ZNF799: variants seen among roughly 807,000 people sequenced by gnomAD.
ZNF799 encodes the protein zinc finger protein 14.
In ZNF799, 28 loss-of-function variants were observed where a neutral mutation model predicts 41.0. The ratio of observed to expected loss-of-function variants is 0.68; its 90% CI spans 0.51 to 0.94. The LOEUF (loss-of-function observed/expected upper bound fraction) is 0.94. Ranked by LOEUF, ZNF799 falls within the 40% of genes least tolerant of loss-of-function variation. The pLI is 0.00. For missense variants in ZNF799, 716 were observed against 764.3 expected, an observed-to-expected ratio of 0.94 and a Z score of 0.74; for synonymous variants, 213 against 252.9, an observed-to-expected ratio of 0.84 and a Z score of 1.50.
chr19:12,396,455 G>A (rs1009988850), intron 1 of ZNF799, among the ~76,000 whole-genome samples: 1 of 152,226 alleles, frequency 6.6e-6, no homozygotes, highest in African/African-American at 2.4e-5. Flanking sequence ...TTTGAGACCA[G>A]CCTGGCCAAT....
In ZNF799 at chr19:12,391,416, T is replaced by C. The variant is rs1969814477; in HGVS notation, c.982A>G (p.Met328Val). Residue 328 changes from methionine (M) to valine (V), a missense_variant, in exon 4 of 4, where the codon ATG becomes GTG. By Grantham distance (21) the Met-to-Val change is conservative (BLOSUM62 1). This residue lies in a region of ZNF799 where 698 missense variants were observed against 713.6 expected (regional missense o/e 0.98). Transcript: ENST00000430385. ...GGTCCATCTCTCGTGTGCATTACCA[T>C]GTGTCTTTGAAAGCTTCCCAGATGA... ...FHHLGSFQRHMVMHTRDGPHK... is the reference protein window; with the variant it reads ...FHHLGSFQRHVVMHTRDGPHK... The C allele has an allele frequency of 2.5e-6, 4 of 1,614,208 alleles. No homozygotes were observed. The African/African-American group carries it at 4.0e-5, about 16-fold the overall frequency.
upstream of ZNF799, among the ~76,000 whole-genome samples, chr19:12,404,499 A>G (rs1460040067): frequency 2.0e-5 from 3 of 152,022 alleles, no homozygotes; most frequent in Non-Finnish European, 4.4e-5. Flanking sequence ...CAATGTTGCA[A>G]TCTTGGCTTA....
the ZNF799 span, among the ~76,000 whole-genome samples, chr19:12,414,016 G>A: frequency 5.3e-5 from 8 of 152,250 alleles, no homozygotes; most frequent in African/African-American, 1.9e-4. Context: ...CGGCCTGTGC[G>A]GGTCCCAGTG....
At chr19:12,402,992 G>GTTTGCA (rs1302024605), upstream of ZNF799, among the ~76,000 whole-genome samples, 1 of 152,204 alleles carries the variant, frequency 6.6e-6, no homozygotes, top group East Asian at 1.9e-4. Flanking sequence ...TTTTGGAATA[G>GTTTGCA]TTTGAGTAGG....
In ZNF799 at chr19:12,390,917, T is replaced by A. The variant is rs151038912; in HGVS notation, c.1481A>T (p.His494Leu). The A allele has an allele frequency of 6.2e-6, 10 of 1,614,092 alleles. No homozygotes were observed. The highest frequency in any genetic ancestry group is 8.5e-6 in the Non-Finnish European group (10 of 1,179,982). The change falls in exon 4 of 4, where the codon CAT becomes CTT. Residue 494 changes from histidine (H) to leucine (L), a missense_variant. By Grantham distance (99) the His-to-Leu change is moderately conservative (BLOSUM62 -3). Around this residue, in one of 2 missense-constraint regions of ZNF799, gnomAD observed 698 missense variants for 713.6 expected, o/e 0.98. Transcript: ENST00000430385. Reference sequence around the variant, plus strand: ...TTTCTCTCCTGTGTGAGTCCTTCTATGTTGAGAAAGGTATTGGAAACAACT... The same window carrying A: ...TTTCTCTCCTGTGTGAGTCCTTCTAAGTTGAGAAAGGTATTGGAAACAACT... ...AFSCFQYLSQHRRTHTGEKPY... is the reference protein window; with the variant it reads ...AFSCFQYLSQLRRTHTGEKPY...
At position 12,401,101 on chromosome 19, in the gene ZNF799, C is replaced by G. The variant is rs760347871; in HGVS notation, c.-31G>C. 2 of 1,613,684 alleles carry G rather than the reference C, an allele frequency of 1.2e-6. No homozygotes were observed. The highest frequency in any genetic ancestry group is 4.5e-5 in the East Asian group (2 of 44,878). ...GACTTCCGCGGTGTCCCAGGTCCTC[C>G]GGACGGCTCCCGCTGCCAATGCGGG... On this transcript the variant is annotated 5_prime_UTR_variant, in exon 1 of 4. Coordinates refer to ENST00000430385, the MANE Select transcript of ZNF799 (RefSeq NM_001080821.3).
Position 12,390,656 on chromosome 19 carries a change from G to C in ZNF799, c.1742C>G (p.Thr581Ser). The C allele has an allele frequency of 6.2e-7, 1 of 1,613,642 alleles. No individual in the cohort carries two copies. The highest frequency in any genetic ancestry group is 8.5e-7 in the Non-Finnish European group (1 of 1,179,770). ...HSRFLQGHEKTHTGENPYECK... is the reference protein window; with the variant it reads ...HSRFLQGHEKSHTGENPYECK... ...TTCATACGGGTTCTCTCCAGTATGA[G>C]TTTTTTCATGTCCTTGAAGAAAACG... Residue 581 changes from threonine (T) to serine (S), a missense_variant, in exon 4 of 4, where the codon ACT becomes AGT. By Grantham distance (58) the Thr-to-Ser change is moderately conservative. Around this residue, in one of 2 missense-constraint regions of ZNF799, gnomAD observed 698 missense variants for 713.6 expected, o/e 0.98. Transcript: ENST00000430385.
chr19:12,403,554 C>CTTT (rs779716536), upstream of ZNF799, among the ~76,000 whole-genome samples: 1 of 144,314 alleles, frequency 6.9e-6, no homozygotes. Context: ...TCTTCTTCTT[C>CTTT]TTTTTTTTTT....
chr19:12,392,786 A>C, intron 2 of ZNF799, 123 bp from the exon 3 acceptor site: 1 of 717,528 alleles, frequency 1.4e-6, no homozygotes, highest in Admixed American at 2.9e-5. Context: ...ACTCTTGAAA[A>C]ACAGAGGTTT....
chr19:12,403,643 C>T (rs977467287), upstream of ZNF799, among the ~76,000 whole-genome samples: 34 of 152,132 alleles, frequency 2.2e-4, no homozygotes, highest in African/African-American at 2.6e-4. Flanking sequence ...ACCTCTGCCT[C>T]CTGGGTTCAA....
At chr19:12,397,794 T>C (rs1969920026) in intron 1 of ZNF799, among the ~76,000 whole-genome samples, 1 of 151,876 alleles carries the variant, frequency 6.6e-6, no homozygotes, top group Admixed American at 6.6e-5. Context: ...AATATACCAA[T>C]AAAAGAAGAC....
At chr19:12,410,251 GTGCATATATATATATATATATATA>G in the ZNF799 span, among the ~76,000 whole-genome samples, 39,457 of 133,476 alleles carry the variant, frequency 0.3, 5,792 homozygotes, top group South Asian at 0.4. Flanking sequence ...CAATGTCTGT[GTGCATATATATATATATATATATA>G]TATATATATA....
chr19:12,403,280 C>T (rs965894500), upstream of ZNF799, among the ~76,000 whole-genome samples: 1 of 151,956 alleles, frequency 6.6e-6, no homozygotes, highest in African/African-American at 2.4e-5. Flanking sequence ...TGTAATGTCT[C>T]CTTTTTCATC....
upstream of ZNF799, among the ~76,000 whole-genome samples, chr19:12,404,808 A>T (rs1167734323): frequency 6.6e-6 from 1 of 152,224 alleles, no homozygotes; most frequent in Non-Finnish European, 1.5e-5. Flanking sequence ...ACCACCTGGT[A>T]AAACGGATTA....
At chr19:12,398,648 G>T (rs1969934116) in intron 1 of ZNF799, among the ~76,000 whole-genome samples, 1 of 152,148 alleles carries the variant, frequency 6.6e-6, no homozygotes, top group South Asian at 2.1e-4. Flanking sequence ...CCATATAACA[G>T]GAACAGAACA....
chr19:12,412,040 C>T, the ZNF799 span, among the ~76,000 whole-genome samples: 4 of 152,174 alleles, frequency 2.6e-5, no homozygotes, highest in East Asian at 1.9e-4. Flanking sequence ...ATCTCCCTTA[C>T]GTAACCATCT....
rs8112445 is a variant in ZNF799 at position 12,390,621 on chromosome 19, A to G, written c.1777T>C (p.Cys593Arg). 10,089 of 1,613,810 alleles carry G rather than the reference A, an allele frequency of 6.3e-3. 495 individuals carry two copies. The African/African-American group carries it at 0.11, about 18-fold the overall frequency. ...CTGAGAGAAGCAAATGCTTTCCCAC[A>G]TTCCTTACATTCATACGGGTTCTCT... ...TGENPYECKE[C>R]GKAFASLSSL... is the part of the protein sequence containing the mutation. Residue 593 changes from cysteine (C) to arginine (R), a missense_variant, in exon 4 of 4, where the codon TGT (cysteine) becomes CGT (arginine). Transcript: ENST00000430385.
chr19:12,404,606 A>G (rs1970017530), upstream of ZNF799, among the ~76,000 whole-genome samples: 1 of 152,126 alleles, frequency 6.6e-6, no homozygotes, highest in Non-Finnish European at 1.5e-5. Context: ...CCAGTCTTAA[A>G]GACAGCAGCC....
At chr19:12,403,047 A>G (rs1339051766), upstream of ZNF799, among the ~76,000 whole-genome samples, 2 of 152,176 alleles carry the variant, frequency 1.3e-5, no homozygotes, top group Non-Finnish European at 2.9e-5. Context: ...TTCAGCAGTG[A>G]AGCCACTGGG....
Sources: gnomAD v4.1 joint callset for allele counts (sites outside exome capture counted in the v4.1 genomes callset) on GRCh38, gnomAD v4.1.1 for gene constraint, gnomAD v4.1.1 regional missense constraint, MANE v1.5 for transcripts, NCBI Gene and HGNC (gene_info 2026-07-23, HGNC 2026-07-21) for gene names.